AARSD1: variants seen among roughly 807,000 people sequenced by gnomAD.
AARSD1 encodes the protein alanyl-tRNA editing protein Aarsd1.
AARSD1 carries 44 observed loss-of-function variants against 48.7 expected under a neutral mutation model. The ratio of observed to expected loss-of-function variants is 0.90; its 90% confidence interval spans 0.71 to 1.16. The LOEUF (loss-of-function observed/expected upper bound fraction) is 1.16, where lower values mean the gene tolerates loss of function less well. Ranked by LOEUF, AARSD1 falls within the 50% of genes most tolerant of loss-of-function variation. The pLI is 0.00. For missense variants in AARSD1, 511 were observed against 523.1 expected (o/e 0.98, Z 0.23); for synonymous variants, 189 against 194.9 (o/e 0.97, Z 0.25).
intron 6 of AARSD1, 38 bp downstream of exon 6, chr17:42,956,166 C>A: frequency 6.2e-7 from 1 of 1,613,602 alleles, no homozygotes; most frequent in Non-Finnish European, 8.5e-7. Flanking sequence ...CTCCCCCAAT[C>A]CCTCTTCTCA....
intron 3 of AARSD1, among the ~76,000 whole-genome samples, chr17:42,960,670 C>T (rs939348588): frequency 6.7e-6 from 1 of 149,098 alleles, no homozygotes; most frequent in Non-Finnish European, 1.5e-5. Context: ...TGCAGTGAGC[C>T]GAGATCGCAC....
chr17:42,957,016 T>A (rs1334508875), intron 4 of AARSD1, 122 bp downstream of exon 4: 4 of 1,108,166 alleles, frequency 3.6e-6, no homozygotes, highest in Non-Finnish European at 5.0e-6. Flanking sequence ...ATGCTGCCAT[T>A]TGGTGGCAAT....
intron 2 of AARSD1, among the ~76,000 whole-genome samples, chr17:42,963,665 C>G (rs1179572324): frequency 6.6e-6 from 1 of 152,036 alleles, no homozygotes; most frequent in Admixed American, 6.6e-5. Context: ...GCCTTTGCAC[C>G]TGCTATTCTA....
intron 3 of AARSD1, among the ~76,000 whole-genome samples, chr17:42,959,461 C>T (rs2049602490): frequency 6.6e-6 from 1 of 151,490 alleles, no homozygotes; most frequent in Non-Finnish European, 1.5e-5. Flanking sequence ...AATGCCTGAC[C>T]TCATGATCTG....
At chr17:42,960,486 G>A (rs534029121) in intron 3 of AARSD1, among the ~76,000 whole-genome samples, 1 of 151,808 alleles carries the variant, frequency 6.6e-6, no homozygotes, top group South Asian at 2.1e-4. Flanking sequence ...ACTTTGCGGG[G>A]TCAAGGCAGG....
chr17:42,955,533 G>A, intron 7 of AARSD1: 1 of 443,410 alleles, frequency 2.3e-6, no homozygotes, highest in Non-Finnish European at 4.0e-6. Flanking sequence ...CCACCTCCCG[G>A]GTTCACGCCA....
intron 3 of AARSD1, 22 bp downstream of exon 3, chr17:42,961,170 T>A: frequency 6.3e-7 from 1 of 1,598,060 alleles, no homozygotes. Flanking sequence ...TCCGGTGTTA[T>A]GTCCCCCATC....
In AARSD1 at chr17:42,951,871, C is replaced by T. The variant is rs772333132; in HGVS notation, c.1032G>A (p.Val344=). The T allele has an allele frequency of 1.2e-6, 2 of 1,614,004 alleles. No homozygotes were observed. The highest frequency in any genetic ancestry group is 1.7e-6 in the Non-Finnish European group (2 of 1,180,024). The change falls in exon 11 of 12, where the codon GTG becomes GTA. Residue 344 remains valine, a synonymous_variant. Coordinates refer to ENST00000427569, the MANE Select transcript of AARSD1 (RefSeq NM_001261434.2). ...AGAGTCCACCACCTTTCTCATCGCC[C>T]ACAGTTAAGAACAGGAGGGTCTCCT... ...GSEETLLFLT[V]GDEKGGGLFL... is the part of the protein sequence containing the mutation.
chr17:42,956,456 C>T lies in AARSD1; in HGVS notation c.494G>A (p.Arg165Gln), dbSNP rs780677937. ...EQSVNEKIRDRLPVNVRELSL... is the reference protein window; with the variant it reads ...EQSVNEKIRDQLPVNVRELSL... The stretch of plus-strand genomic sequence containing the variant: ...CAGTTCTCGGACATTCACAGGCAGC[C>T]GATCTCTGATTTTTTCATTGACGCT... Residue 165 changes from arginine to glutamine, a missense_variant, in exon 5 of 12, where the codon CGG becomes CAG. Coordinates refer to ENST00000427569, the MANE Select transcript of AARSD1 (RefSeq NM_001261434.2). 37 of 1,613,880 alleles carry T rather than the reference C, an allele frequency of 2.3e-5. No homozygotes were observed. In the South Asian group the frequency reaches 3.0e-4, roughly 13 times the overall value.
chr17:42,956,553 C>G lies in AARSD1; in HGVS notation c.397G>C (p.Gly133Arg). ...FKLKTTSWEL[G>R]RFRSAIELDT... ...AGCTCAATCGCACTCCGAAATCTCC[C>G]TAACTCCCTGTCAGAAGTACAGTGG... The change falls in exon 5 of 12, where the codon GGG becomes CGG. Residue 133 changes from glycine (G) to arginine (R), a missense_variant. Gly to Arg is a moderately radical substitution (Grantham distance 125). Transcript: ENST00000427569. The G allele has an allele frequency of 6.2e-7, 1 of 1,611,104 alleles. No individual in the cohort carries two copies. The highest frequency in any genetic ancestry group is 8.5e-7 in the Non-Finnish European group (1 of 1,178,508).
At position 42,955,014 on chromosome 17, in the gene AARSD1, TAG is replaced by T. The variant is rs771945716; in HGVS notation, c.862-49_862-48del. The T allele has an allele frequency of 5.0e-6, 8 of 1,613,200 alleles. No individual in the cohort carries two copies. The East Asian group carries it at 1.6e-4, about 31-fold the overall frequency. ...AGTAGATAAATGGAAAGGATAACAATAGAGAGTATCAGCTTCCCTCCACCTCA... is the reference window on the plus strand; with the variant it reads ...AGTAGATAAATGGAAAGGATAACAATAGAGTATCAGCTTCCCTCCACCTCA... On this transcript the variant is annotated intron_variant, in intron 8 of 11. Transcript: ENST00000427569.
At chr17:42,950,770 G>C (rs535049837) in intron 11 of AARSD1, 42 bp from the exon 12 acceptor site, 6 of 1,569,380 alleles carry the variant, frequency 3.8e-6, no homozygotes, top group Non-Finnish European at 5.2e-6. Flanking sequence ...TGAGGGAAAA[G>C]TCACAAAAAA....
chr17:42,951,544 C>T (rs1285679594), intron 11 of AARSD1, among the ~76,000 whole-genome samples: 1 of 152,018 alleles, frequency 6.6e-6, no homozygotes, highest in Non-Finnish European at 1.5e-5. Flanking sequence ...ACTAAGACTC[C>T]ATCTCAAAAA....
rs201653455 is a variant in AARSD1 at position 42,955,224 on chromosome 17, C to A, written c.795G>T (p.Lys265Asn). The A allele has an allele frequency of 5.0e-6, 8 of 1,614,004 alleles. No individual in the cohort carries two copies. The highest frequency in any genetic ancestry group is 2.2e-5 in the East Asian group (1 of 44,882). The change falls in exon 8 of 12, where the codon AAG becomes AAT. Residue 265 changes from lysine to asparagine, a missense_variant and splice_region_variant. Transcript: ENST00000427569. Reference protein sequence around the residue: ...GTEKALTALLKCGAEDHVEAV... With the variant: ...GTEKALTALLNCGAEDHVEAV... ...CTTCCACATGATCCTCTGCTCCACA[C>A]CTGAAAGAGAAAGGTCAGAGGAGAC...
intron 3 of AARSD1, 153 bp downstream of exon 3, chr17:42,961,039 T>C: frequency 7.8e-7 from 1 of 1,286,596 alleles, no homozygotes; most frequent in South Asian, 1.7e-5. Context: ...TGTTATAACA[T>C]TTAGGATATC....
intron 3 of AARSD1, among the ~76,000 whole-genome samples, chr17:42,958,613 C>A (rs62076368): frequency 1.3e-5 from 2 of 150,424 alleles, no homozygotes; most frequent in East Asian, 2.0e-4. Context: ...CTCTGTCACC[C>A]AGGCTGGAGT....
chr17:42,953,721 T>C lies in AARSD1; in HGVS notation c.1008+3A>G. 1 of 1,614,162 alleles carries C rather than the reference T, an allele frequency of 6.2e-7. No homozygotes were observed. Among genetic ancestry groups the C allele is most frequent in the Non-Finnish European group, 8.5e-7 (1 of 1,180,000 alleles). ...GGGGTAGAGAATCTCATGCTCCTCTTACCTCTGACCCAATCTCATTGGCAA... is the reference window on the plus strand; with the variant it reads ...GGGGTAGAGAATCTCATGCTCCTCTCACCTCTGACCCAATCTCATTGGCAA... On this transcript the variant is annotated splice_donor_region_variant and intron_variant, in intron 10 of 11. Coordinates refer to ENST00000427569, the MANE Select transcript of AARSD1 (RefSeq NM_001261434.2).
At chr17:42,963,725 GACTC>G (rs759033184) in intron 2 of AARSD1, among the ~76,000 whole-genome samples, 14 of 151,994 alleles carry the variant, frequency 9.2e-5, no homozygotes, top group Non-Finnish European at 1.8e-4. Context: ...TAATTGCAAA[GACTC>G]ACCCCCTCAC....
chr17:42,957,476 CTTTTTT>C lies in AARSD1; in HGVS notation c.332-287_332-282del, dbSNP rs1165420812. ...AGGGGCTGGACTTGAACTTAACTTC[CTTTTTT>C]TTTTTTTTTTTTTTTTTTTGAGACA... On this transcript the variant is annotated intron_variant, in intron 3 of 11. Transcript: ENST00000427569. 13 of 82,992 alleles carry C rather than the reference CTTTTTT, an allele frequency of 1.6e-4. No individual in the cohort carries two copies. The South Asian group carries it at 1.9e-3, about 12-fold the overall frequency. 5.1% of individuals were successfully genotyped at this position (82,992 alleles called of 1,614,324 possible). A position where few individuals can be genotyped will look rare whatever the true frequency, so the allele number is the denominator to read the frequency against.
Sources: gnomAD v4.1 joint callset for allele counts (sites outside exome capture counted in the v4.1 genomes callset) on GRCh38, gnomAD v4.1.1 for gene constraint, MANE v1.5 for transcripts, NCBI Gene and HGNC (gene_info 2026-07-23, HGNC 2026-07-21) for gene names.